Variants in MS4A4E observed in about 807,000 individuals in gnomAD.
The protein encoded by MS4A4E is membrane spanning 4-domains A4E.
MS4A4E carries 23 observed loss-of-function variants against 13.3 expected under a neutral mutation model. That is an observed-to-expected ratio of 1.73 (90% confidence interval 1.25 to 2.45). The LOEUF (loss-of-function observed/expected upper bound fraction) is 2.45, where lower values mean the gene tolerates loss of function less well. Ranked by LOEUF, MS4A4E falls within the 30% of genes most tolerant of loss-of-function variation. The pLI, the probability that MS4A4E is intolerant of heterozygous loss-of-function variation, is 0.00. For missense variants in MS4A4E, 144 were observed against 131.2 expected (o/e 1.10, Z -0.48); for synonymous variants, 36 against 45.6 (o/e 0.79, Z 0.85).
In MS4A4E at chr11:60,200,852, T is replaced by G. The variant is rs2083976283; in HGVS notation, c.*691A>C. On this transcript the variant is annotated 3_prime_UTR_variant, in exon 9 of 9. Transcript: ENST00000651255. The stretch of plus-strand genomic sequence containing the variant: ...TGGCCGGGCAGAGGGGCTCCTCACT[T>G]CCCAGTAGGGGCGGCTGGGCAGAGG... 1.3e-5 allele frequency among the ~76,000 whole-genome samples: 2 copies of G among 150,040 alleles called. No homozygotes were observed. Among genetic ancestry groups the G allele is most frequent in the Admixed American group, 1.3e-4 (2 of 15,216 alleles).
At chr11:60,217,396 G>C (rs1408032603) in intron 3 of MS4A4E, among the ~76,000 whole-genome samples, 2 of 151,780 alleles carry the variant, frequency 1.3e-5, no homozygotes, top group African/African-American at 4.8e-5. Context: ...CACTGAGCTT[G>C]TAAACTCTCA....
At chr11:60,233,887 G>T (rs1590728337) in intron 1 of MS4A4E, among the ~76,000 whole-genome samples, 1 of 152,162 alleles carries the variant, frequency 6.6e-6, no homozygotes, top group African/African-American at 2.4e-5. Flanking sequence ...ACCTAACAGA[G>T]CTGAAGCACG....
At chr11:60,240,327 ACT>A (rs2084533382) in intron 1 of MS4A4E, among the ~76,000 whole-genome samples, 1 of 151,904 alleles carries the variant, frequency 6.6e-6, no homozygotes, top group African/African-American at 2.4e-5. Context: ...CCATTTTTTA[ACT>A]CTGTATTTCT....
At chr11:60,213,401 G>C in intron 4 of MS4A4E, 1 of 1,125,782 alleles carries the variant, frequency 8.9e-7, no homozygotes, top group Non-Finnish European at 1.3e-6. Flanking sequence ...ACATTAGCTG[G>C]ACAGTCATGT....
chr11:60,208,749 C>T (rs1222915211), intron 5 of MS4A4E, 55 bp from the exon 6 acceptor site: 1 of 740,518 alleles, frequency 1.4e-6, no homozygotes, highest in African/African-American at 1.7e-5. Context: ...CAAGTGAAAA[C>T]ATTTCCCAGC....
At position 60,219,858 on chromosome 11, in the gene MS4A4E, CT is replaced by C. The variant is rs2084245670; in HGVS notation, c.179-5245del. 2.6e-5 allele frequency among the ~76,000 whole-genome samples: 4 copies of C among 152,178 alleles called. No individual in the cohort carries two copies. In the South Asian group the frequency reaches 8.3e-4, roughly 31 times the overall value. ...TGTGATCCTCCAGTTATAGTAGGGG[CT>C]TATGGAGGTCATGTAATTAATGGAG... On this transcript the variant is annotated intron_variant, in intron 3 of 8. Coordinates refer to ENST00000651255, the MANE Select transcript of MS4A4E (RefSeq NM_001393391.1).
intron 1 of MS4A4E, among the ~76,000 whole-genome samples, chr11:60,235,306 T>C (rs2084469364): frequency 6.6e-6 from 1 of 152,232 alleles, no homozygotes; most frequent in African/African-American, 2.4e-5. Flanking sequence ...TTGCCCAGGC[T>C]GTTCTCAAAT....
rs1180667854 is a variant in MS4A4E at position 60,214,632 on chromosome 11, G to A, written c.179-18C>T. 7 of 1,481,428 alleles carry A rather than the reference G, an allele frequency of 4.7e-6. No homozygotes were observed. The highest frequency in any genetic ancestry group is 1.4e-5 in the African/African-American group (1 of 70,758). 91.8% of individuals were successfully genotyped at this position (1,481,428 alleles called of 1,614,324 possible). ...TAAGGATACTGAAATAATAAAATAA[G>A]AATGAGAGAAAAAAATGGAGATAAA... On this transcript the variant is annotated intron_variant, in intron 3 of 8. Transcript: ENST00000651255.
intron 3 of MS4A4E, among the ~76,000 whole-genome samples, chr11:60,216,371 T>C (rs1322133511): frequency 3.3e-5 from 5 of 152,104 alleles, no homozygotes; most frequent in African/African-American, 1.2e-4. Context: ...ATGTATGTGA[T>C]TCTGATAATG....
intron 5 of MS4A4E, among the ~76,000 whole-genome samples, chr11:60,210,927 A>C (rs528281822): frequency 1.3e-5 from 2 of 152,362 alleles, no homozygotes; most frequent in South Asian, 4.1e-4. Context: ...CGTAATTTAC[A>C]GAGTGTCTTG....
chr11:60,225,132 A>G (rs919261471), intron 3 of MS4A4E: 1 of 1,459,058 alleles, frequency 6.9e-7, no homozygotes, highest in Non-Finnish European at 9.1e-7. Flanking sequence ...ATCCACCACA[A>G]AAATGGTGCT....
Position 60,200,817 on chromosome 11 carries a change from G to A in MS4A4E, c.*726C>T, listed in dbSNP as rs1590698538. 3.9e-5 allele frequency among the ~76,000 whole-genome samples: 6 copies of A among 152,362 alleles called. No homozygotes were observed. The South Asian group carries it at 1.2e-3, about 32-fold the overall frequency. The stretch of plus-strand genomic sequence containing the variant: ...AATGAGCTATTGGGTACACTTCCCA[G>A]ATGGGGTGGTGGCCGGGCAGAGGGG... On this transcript the variant is annotated 3_prime_UTR_variant, in exon 9 of 9. Coordinates refer to ENST00000651255, the MANE Select transcript of MS4A4E (RefSeq NM_001393391.1).
intron 3 of MS4A4E, among the ~76,000 whole-genome samples, chr11:60,216,381 G>A (rs650777): frequency 0.93 from 141,729 of 152,160 alleles, 66,079 homozygotes; most frequent in Admixed American, 0.95. Context: ...TTCTGATAAT[G>A]GAGTGACCCT....
intron 1 of MS4A4E, among the ~76,000 whole-genome samples, chr11:60,233,316 A>G (rs2084437085): frequency 1.3e-5 from 2 of 152,202 alleles, no homozygotes; most frequent in Non-Finnish European, 2.9e-5. Context: ...AAATTTCAAC[A>G]GTAACCTGCT....
At position 60,214,707 on chromosome 11, in the gene MS4A4E, A is replaced by G. The variant is rs188303601; in HGVS notation, c.179-93T>C. The G allele has an allele frequency of 5.7e-5, 43 of 749,132 alleles. No individual in the cohort carries two copies. The African/African-American group carries it at 7.5e-4, about 13-fold the overall frequency. 46.4% of individuals were successfully genotyped at this position (749,132 alleles called of 1,614,324 possible). Reference sequence around the variant, plus strand: ...CACAACTTAGTAAACTTTATTCCAAATTAGATAGATATGTATAAACAGGTC... The same window carrying G: ...CACAACTTAGTAAACTTTATTCCAAGTTAGATAGATATGTATAAACAGGTC... On this transcript the variant is annotated intron_variant, in intron 3 of 8. Coordinates refer to ENST00000651255, the MANE Select transcript of MS4A4E (RefSeq NM_001393391.1).
intron 1 of MS4A4E, among the ~76,000 whole-genome samples, chr11:60,232,592 C>T (rs2084426165): frequency 6.6e-6 from 1 of 152,040 alleles, no homozygotes; most frequent in Admixed American, 6.6e-5. Context: ...CTACTGGAGA[C>T]ACATAGAGTC....
intron 1 of MS4A4E, among the ~76,000 whole-genome samples, chr11:60,239,332 G>A (rs1271039282): frequency 6.6e-6 from 1 of 152,098 alleles, no homozygotes; most frequent in Non-Finnish European, 1.5e-5. Context: ...ACTACCTATT[G>A]ACTATTATTA....
chr11:60,205,360 C>A (rs561888886), intron 7 of MS4A4E, among the ~76,000 whole-genome samples: 3 of 152,254 alleles, frequency 2.0e-5, no homozygotes, highest in Admixed American at 6.5e-5. Context: ...CCGCTATTTT[C>A]TTATATGCTT....
rs1395825192 is a variant in MS4A4E at position 60,213,278 on chromosome 11, G to T, written c.223-146C>A. On this transcript the variant is annotated intron_variant, in intron 4 of 8. Transcript: ENST00000651255. Reference sequence around the variant, plus strand: ...ATAGTGGTTTCAACTCTGATCTCTCGCCAAAACACAAATATGATCCCATTA... The same window carrying T: ...ATAGTGGTTTCAACTCTGATCTCTCTCCAAAACACAAATATGATCCCATTA... 6 of 1,534,542 alleles carry T rather than the reference G, an allele frequency of 3.9e-6. No individual in the cohort carries two copies. In the East Asian group the frequency reaches 1.5e-4, roughly 38 times the overall value.
Sources: gnomAD v4.1 joint callset for allele counts (sites outside exome capture counted in the v4.1 genomes callset) on GRCh38, gnomAD v4.1.1 for gene constraint, MANE v1.5 for transcripts, NCBI Gene and HGNC (gene_info 2026-07-23, HGNC 2026-07-21) for gene names.